Variants in FARP2 observed in about 807,000 individuals in gnomAD.
FARP2 encodes the protein FERM, ARH/RhoGEF and pleckstrin domain protein 2, also known as FERM, ARHGEF and pleckstrin domain-containing protein 2.
In FARP2, 111 loss-of-function variants were observed where a neutral mutation model predicts 130.5. That is an observed-to-expected ratio of 0.85 (90% CI 0.73 to 1.00). The LOEUF (loss-of-function observed/expected upper bound fraction) is 1.00, where lower values mean the gene tolerates loss of function less well. FARP2 is among the 50% of genes least tolerant of loss of function. The probability of loss-of-function intolerance (pLI) is 0.00; values close to 1 mark genes in which losing one functional copy is unlikely to be tolerated. For missense variants in FARP2, 1,385 were observed against 1,346.3 expected (o/e 1.03, Z -0.45); for synonymous variants, 504 against 516.9 (o/e 0.98, Z 0.34).
intron 8 of FARP2, among the ~76,000 whole-genome samples, chr2:241,429,763 T>C (rs935999378): frequency 1.3e-5 from 2 of 152,160 alleles, no homozygotes; most frequent in Non-Finnish European, 2.9e-5. Context: ...CATCTGCCTT[T>C]AACTCGTTAA....
At chr2:241,359,104 A>C (rs753518619) in intron 1 of FARP2, among the ~76,000 whole-genome samples, 9 of 152,190 alleles carry the variant, frequency 5.9e-5, no homozygotes, top group Non-Finnish European at 1.0e-4. Flanking sequence ...AATGTGACTT[A>C]ACTGAAAAGT....
At chr2:241,361,870 T>C (rs981112288) in intron 1 of FARP2, among the ~76,000 whole-genome samples, 4 of 151,410 alleles carry the variant, frequency 2.6e-5, no homozygotes, top group Admixed American at 2.6e-4. Flanking sequence ...TTGTCCCCTT[T>C]ATTATTATTA....
Position 241,434,972 on chromosome 2 carries a change from C to A in FARP2, c.1042C>A (p.Gln348Lys). ...AATCTTTATTCACAGTGGAAGAACT[C>A]AGAAACAACTAGTAGATTATTTCAA... ...GSSFRYSGRT[Q>K]KQLVDYFKDS... The change falls in exon 11 of 27, where the codon CAG becomes AAG. Residue 348 changes from glutamine to lysine, a missense_variant. Physicochemically the swap from Gln to Lys is moderately conservative, Grantham distance 53 (BLOSUM62 1). Transcript: ENST00000264042. 6.3e-7 allele frequency: 1 copy of A among 1,578,480 alleles called. No individual in the cohort carries two copies. The highest frequency in any genetic ancestry group is 8.7e-7 in the Non-Finnish European group (1 of 1,151,858).
chr2:241,480,146 C>T (rs907618115), intron 19 of FARP2, among the ~76,000 whole-genome samples: 1 of 152,174 alleles, frequency 6.6e-6, no homozygotes, highest in Admixed American at 6.5e-5. Flanking sequence ...CTCCAGCTTC[C>T]CAAGGGGCAC....
intron 21 of FARP2, among the ~76,000 whole-genome samples, chr2:241,487,094 C>T (rs1255672021): frequency 6.6e-6 from 1 of 152,180 alleles, no homozygotes; most frequent in Non-Finnish European, 1.5e-5. Flanking sequence ...GTTTTTTGTA[C>T]ACATTAGTGA....
intron 4 of FARP2, among the ~76,000 whole-genome samples, chr2:241,406,444 G>C (rs986124022): frequency 6.6e-6 from 1 of 151,580 alleles, no homozygotes; most frequent in Admixed American, 6.6e-5. Context: ...GAGAGCACGC[G>C]CATGTTTTTG....
chr2:241,431,083 A>G (rs16843664), intron 8 of FARP2, among the ~76,000 whole-genome samples: 1 of 152,128 alleles, frequency 6.6e-6, no homozygotes, highest in Non-Finnish European at 1.5e-5. Context: ...ATGAGGAGAG[A>G]TACAAGTCCC....
chr2:241,406,984 A>G (rs2062373503), intron 4 of FARP2, among the ~76,000 whole-genome samples: 1 of 151,260 alleles, frequency 6.6e-6, no homozygotes, highest in Non-Finnish European at 1.5e-5. Flanking sequence ...ATTTTTTTGT[A>G]TTTTTAATAG....
At chr2:241,486,997 G>A (rs868248912) in intron 21 of FARP2, among the ~76,000 whole-genome samples, 45 of 146,722 alleles carry the variant, frequency 3.1e-4, no homozygotes, top group South Asian at 2.1e-4. Context: ...GGTGAGGCCA[G>A]CCTGGCCCCT....
At chr2:241,387,734 A>C (rs1363774886) in intron 2 of FARP2, among the ~76,000 whole-genome samples, 1 of 150,172 alleles carries the variant, frequency 6.7e-6, no homozygotes. Context: ...CGGAGCTTGC[A>C]GTGAGCCGAG....
At chr2:241,383,101 C>A (rs1461148774) in intron 2 of FARP2, among the ~76,000 whole-genome samples, 1 of 152,202 alleles carries the variant, frequency 6.6e-6, no homozygotes, top group Non-Finnish European at 1.5e-5. Flanking sequence ...GCTGTGCTCA[C>A]CCCAACAGCC....
At chr2:241,430,060 G>A (rs2150394194) in intron 8 of FARP2, among the ~76,000 whole-genome samples, 1 of 152,162 alleles carries the variant, frequency 6.6e-6, no homozygotes, top group Non-Finnish European at 1.5e-5. Flanking sequence ...TCCTACTACT[G>A]GAAGGAAGAG....
intron 2 of FARP2, among the ~76,000 whole-genome samples, chr2:241,392,710 C>T (rs1401251897): frequency 2.6e-5 from 4 of 151,974 alleles, no homozygotes; most frequent in East Asian, 1.9e-4. Flanking sequence ...GAGGCTGAGG[C>T]GGATGGATTA....
intron 2 of FARP2, among the ~76,000 whole-genome samples, chr2:241,397,831 CT>C (rs397868255): frequency 0.28 from 33,643 of 122,188 alleles, 3,267 homozygotes; most frequent in Middle Eastern, 0.44. Context: ...ACCTTTTTTC[CT>C]TTTTTTTTTT....
At chr2:241,485,400 T>G (rs2064727087) in intron 21 of FARP2, among the ~76,000 whole-genome samples, 1 of 151,020 alleles carries the variant, frequency 6.6e-6, no homozygotes, top group South Asian at 2.1e-4. Context: ...CCTGTGGTCC[T>G]CCCTCCCTGG....
chr2:241,445,502 G>A (rs959591159), intron 13 of FARP2: 1 of 152,184 alleles, frequency 6.6e-6, no homozygotes, highest in African/African-American at 2.4e-5. Flanking sequence ...GTTTACAGTG[G>A]TTAAATAGCA....
chr2:241,467,964 C>T (rs568398065), intron 17 of FARP2, among the ~76,000 whole-genome samples, 176 bp from the exon 18 acceptor site: 46 of 152,282 alleles, frequency 3.0e-4, no homozygotes, highest in East Asian at 1.9e-3. Context: ...GCATCTGAGA[C>T]GGGTTGAGAT....
At chr2:241,492,303 G>C (rs1365433031) in intron 24 of FARP2, among the ~76,000 whole-genome samples, 1 of 152,218 alleles carries the variant, frequency 6.6e-6, no homozygotes, top group African/African-American at 2.4e-5. Context: ...ACCCTGGGTA[G>C]GTCAGGGTGC....
At chr2:241,406,377 A>G (rs554882808) in intron 4 of FARP2, among the ~76,000 whole-genome samples, 2 of 151,754 alleles carry the variant, frequency 1.3e-5, no homozygotes, top group East Asian at 3.9e-4. Context: ...TTATATATAT[A>G]TATATGTATG....
Sources: gnomAD v4.1 joint callset for allele counts (sites outside exome capture counted in the v4.1 genomes callset) on GRCh38, gnomAD v4.1.1 for gene constraint, MANE v1.5 for transcripts, NCBI Gene and HGNC (gene_info 2026-07-23, HGNC 2026-07-21) for gene names.